The following CENPP variants were observed in gnomAD, a reference collection of about 807,000 sequenced individuals.
CENPP encodes centromere protein P.
CENPP carries 24 observed loss-of-function variants against 35.6 expected under a neutral mutation model. That is an observed-to-expected ratio of 0.67 (90% CI 0.49 to 0.95). The LOEUF is 0.95. CENPP is among the 40% of genes least tolerant of loss of function. CENPP has a pLI of 0.00. For synonymous variants in CENPP, 120 were observed against 125.5 expected (o/e 0.96, Z 0.29); for missense variants, 332 against 345.3 (o/e 0.96, Z 0.31).
chr9:92,379,368 T>C (rs536493955), intron 4 of CENPP, among the ~76,000 whole-genome samples: 11 of 152,314 alleles, frequency 7.2e-5, no homozygotes, highest in African/African-American at 2.4e-4. Flanking sequence ...ATGAGACAAC[T>C]CATTAGCATA....
intron 5 of CENPP, among the ~76,000 whole-genome samples, chr9:92,466,978 T>A (rs1477581386): frequency 6.6e-6 from 1 of 152,194 alleles, no homozygotes; most frequent in African/African-American, 2.4e-5. Flanking sequence ...TTTGCATGAT[T>A]TTGTCTACTT....
intron 2 of CENPP, 43 bp downstream of exon 2, chr9:92,332,394 C>G: frequency 7.8e-7 from 1 of 1,281,952 alleles, no homozygotes; most frequent in Non-Finnish European, 1.1e-6. Flanking sequence ...GGAAGCTTAC[C>G]TTATTATGCA....
chr9:92,549,628 G>A (rs1849543181), intron 5 of CENPP, among the ~76,000 whole-genome samples: 1 of 147,406 alleles, frequency 6.8e-6, no homozygotes, highest in South Asian at 2.2e-4. Flanking sequence ...GCCTGAGTGG[G>A]AGAGCATGAC....
chr9:92,619,330 TAGTA>T lies in CENPP; in HGVS notation c.*6184_*6187del. 1.6e-6 allele frequency: 1 copy of T among 615,958 alleles called. No homozygotes were observed. Among genetic ancestry groups the T allele is most frequent in the Non-Finnish European group, 2.9e-6 (1 of 340,406 alleles). The allele number at this position is 615,958 out of a possible 1,614,324, so 38.2% of individuals were successfully genotyped here. ...TTACAAGCTTCTAGAGGGCGAGAGT[TAGTA>T]AGCCCCATGATGTCACATAGGCCAA... On this transcript the variant is annotated 3_prime_UTR_variant, in exon 8 of 8. Transcript: ENST00000375587.
At chr9:92,364,721 CAAT>C (rs1378351801) in intron 4 of CENPP, among the ~76,000 whole-genome samples, 2 of 152,088 alleles carry the variant, frequency 1.3e-5, no homozygotes, top group Non-Finnish European at 2.9e-5. Context: ...TCTAAGAATA[CAAT>C]GATGAACAAG....
chr9:92,565,293 T>TAAAAAAAAAAAAAAAA (rs3078380), intron 5 of CENPP, among the ~76,000 whole-genome samples: 2 of 33,162 alleles, frequency 6.0e-5, no homozygotes, highest in African/African-American at 1.4e-4. Flanking sequence ...GCTGATGAGC[T>TAAAAAAAAAAAAAAAA]AAAAAAAAAA....
intron 5 of CENPP, among the ~76,000 whole-genome samples, chr9:92,527,655 A>G (rs1294788677): frequency 6.6e-6 from 1 of 152,170 alleles, no homozygotes; most frequent in Non-Finnish European, 1.5e-5. Flanking sequence ...GCTCAGGGTA[A>G]TGAATGCCTT....
intron 5 of CENPP, among the ~76,000 whole-genome samples, chr9:92,537,818 G>T (rs1298222737): frequency 1.3e-5 from 2 of 152,102 alleles, no homozygotes; most frequent in African/African-American, 4.8e-5. Flanking sequence ...AAACAGGAAG[G>T]TTATTTTTTC....
chr9:92,439,827 T>G (rs190764102), intron 5 of CENPP, among the ~76,000 whole-genome samples: 2 of 152,302 alleles, frequency 1.3e-5, no homozygotes, highest in East Asian at 3.9e-4. Flanking sequence ...AACTCTTTGA[T>G]CTTCAAAGTA....
chr9:92,373,670 A>T (rs1463625071), intron 4 of CENPP, among the ~76,000 whole-genome samples: 1 of 152,084 alleles, frequency 6.6e-6, no homozygotes, highest in Non-Finnish European at 1.5e-5. Context: ...TACTAAAAAT[A>T]CAAAATTTAG....
intron 5 of CENPP, among the ~76,000 whole-genome samples, chr9:92,555,388 G>A (rs1455325132): frequency 1.3e-5 from 2 of 151,310 alleles, no homozygotes; most frequent in African/African-American, 4.9e-5. Context: ...CACCATGTCT[G>A]GCTGATTTTT....
chr9:92,589,067 C>T (rs1043645545), intron 5 of CENPP, among the ~76,000 whole-genome samples: 1 of 152,064 alleles, frequency 6.6e-6, no homozygotes, highest in African/African-American at 2.4e-5. Flanking sequence ...ATGGCCCACA[C>T]TTGTAATCCC....
chr9:92,576,255 G>GAC, intron 5 of CENPP, among the ~76,000 whole-genome samples: 1 of 152,290 alleles, frequency 6.6e-6, no homozygotes, highest in East Asian at 1.9e-4. Context: ...GTCACAAAAA[G>GAC]ACAAATACTG....
chr9:92,541,880 G>A (rs149422519), intron 5 of CENPP, among the ~76,000 whole-genome samples: 108 of 152,006 alleles, frequency 7.1e-4, no homozygotes, highest in African/African-American at 2.2e-3. Flanking sequence ...TGCAACCTCC[G>A]CCTCCCAGGT....
intron 5 of CENPP, among the ~76,000 whole-genome samples, chr9:92,592,747 T>G (rs184622012): frequency 4.1e-4 from 62 of 152,336 alleles, no homozygotes; most frequent in African/African-American, 1.4e-3. Context: ...GAGGGTTCCA[T>G]TTGCTCACCT....
intron 5 of CENPP, among the ~76,000 whole-genome samples, chr9:92,557,195 A>G (rs574399424): frequency 6.6e-6 from 1 of 152,214 alleles, no homozygotes; most frequent in East Asian, 1.9e-4. Flanking sequence ...ATCTGCTGTT[A>G]ATCTGATAGG....
intron 5 of CENPP, among the ~76,000 whole-genome samples, chr9:92,402,457 T>G (rs1843155494): frequency 6.6e-6 from 1 of 152,240 alleles, no homozygotes; most frequent in Non-Finnish European, 1.5e-5. Context: ...TTTCTCATTT[T>G]CCAGTGTGTA....
At chr9:92,394,279 G>C (rs1842801275) in intron 5 of CENPP, among the ~76,000 whole-genome samples, 1 of 151,918 alleles carries the variant, frequency 6.6e-6, no homozygotes, top group South Asian at 2.1e-4. Context: ...GTCTTGCCCT[G>C]TTGCTCATGC....
At chr9:92,466,817 TTTGAA>T (rs1163321369) in intron 5 of CENPP, among the ~76,000 whole-genome samples, 2 of 152,350 alleles carry the variant, frequency 1.3e-5, no homozygotes, top group Non-Finnish European at 2.9e-5. Flanking sequence ...CTTTTTAATC[TTTGAA>T]TAGATAATAC....
Sources: gnomAD v4.1 joint callset for allele counts (sites outside exome capture counted in the v4.1 genomes callset) on GRCh38, gnomAD v4.1.1 for gene constraint, MANE v1.5 for transcripts, NCBI Gene and HGNC (gene_info 2026-07-23, HGNC 2026-07-21) for gene names.